ARHGEF26: variants seen among roughly 807,000 people sequenced by gnomAD.
The protein encoded by ARHGEF26 is Rho guanine nucleotide exchange factor (GEF) 26.
ARHGEF26 carries 59 observed loss-of-function variants against 89.4 expected under a neutral mutation model. The ratio of observed to expected loss-of-function variants is 0.66; its 90% CI spans 0.54 to 0.82. The LOEUF (loss-of-function observed/expected upper bound fraction) is 0.82, where lower values mean the gene tolerates loss of function less well. Ranked by LOEUF, ARHGEF26 falls within the 40% of genes least tolerant of loss-of-function variation. The probability of loss-of-function intolerance (pLI) is 0.00; values close to 1 mark genes in which losing one functional copy is unlikely to be tolerated. For synonymous variants in ARHGEF26, 500 were observed against 428.4 expected (o/e 1.17, Z -2.06); for missense variants, 1,234 against 1,085.6 (o/e 1.14, Z -1.92).
At chr3:154,127,498 G>A (rs1046588955) in intron 3 of ARHGEF26, among the ~76,000 whole-genome samples, 1 of 148,310 alleles carries the variant, frequency 6.7e-6, no homozygotes, top group African/African-American at 2.5e-5. Context: ...CCCACAAGAA[G>A]GTCTTCAGGG....
chr3:154,170,471 A>T (rs1040247112), intron 6 of ARHGEF26, among the ~76,000 whole-genome samples: 19 of 152,250 alleles, frequency 1.2e-4, no homozygotes, highest in Non-Finnish European at 2.5e-4. Flanking sequence ...CATCATAACA[A>T]TTGAGACATT....
chr3:154,213,336 A>G (rs1314407260), intron 9 of ARHGEF26, among the ~76,000 whole-genome samples: 1 of 152,004 alleles, frequency 6.6e-6, no homozygotes, highest in Admixed American at 6.6e-5. Context: ...AAGCTTTGGC[A>G]TAAATTGAAG....
intron 6 of ARHGEF26, among the ~76,000 whole-genome samples, chr3:154,169,390 T>C (rs3906747): frequency 0.18 from 26,905 of 152,076 alleles, 2,868 homozygotes; most frequent in East Asian, 0.38. Context: ...AAAATGTGTT[T>C]CCTGACACGC....
chr3:154,122,127 GTTA>G lies in ARHGEF26; in HGVS notation c.136_138del (p.Leu47del), dbSNP rs759243845. On this transcript the variant is annotated inframe_deletion, in exon 2 of 15. Transcript: ENST00000465093. ...CCCAGTCCTACCAGAGCCCCAACGG[GTTA>G]CTAATTACGGATTTCCCGGTGGAGG... 1 of 1,606,974 alleles carries G rather than the reference GTTA, an allele frequency of 6.2e-7. No individual in the cohort carries two copies. Among genetic ancestry groups the G allele is most frequent in the African/African-American group, 1.3e-5 (1 of 74,688 alleles).
At chr3:154,200,670 T>C (rs956516411) in intron 9 of ARHGEF26, among the ~76,000 whole-genome samples, 1 of 151,312 alleles carries the variant, frequency 6.6e-6, no homozygotes, top group East Asian at 1.9e-4. Flanking sequence ...TTAATAATTT[T>C]AATTTAATAA....
intron 7 of ARHGEF26, among the ~76,000 whole-genome samples, chr3:154,188,665 G>A (rs1320977450): frequency 6.6e-6 from 1 of 152,176 alleles, no homozygotes; most frequent in Non-Finnish European, 1.5e-5. Context: ...TATGACCACG[G>A]CATGGAGCTT....
intron 6 of ARHGEF26, among the ~76,000 whole-genome samples, chr3:154,180,429 T>C (rs1713108219): frequency 6.6e-6 from 1 of 151,532 alleles, no homozygotes; most frequent in Non-Finnish European, 1.5e-5. Context: ...CTCACAATGA[T>C]TACGCTAAGG....
Position 154,152,794 on chromosome 3 carries a change from C to G in ARHGEF26, c.1349C>G (p.Ser450Cys), listed in dbSNP as rs1720099407. 1 of 1,546,130 alleles carries G rather than the reference C, an allele frequency of 6.5e-7. No homozygotes were observed. Among genetic ancestry groups the G allele is most frequent in the Non-Finnish European group, 8.7e-7 (1 of 1,144,434 alleles). Residue 450 changes from serine to cysteine, a missense_variant, in exon 6 of 15, where the codon TCT (serine) becomes TGT (cysteine). Physicochemically the swap from Ser to Cys is moderately radical, Grantham distance 112. Coordinates refer to ENST00000465093, the MANE Select transcript of ARHGEF26 (RefSeq NM_015595.4). ...CAGGCTATCTTTGAAGTCATATCCTCTGAACATTCATATTTACTCAGCTTG... is the reference window on the plus strand; with the variant it reads ...CAGGCTATCTTTGAAGTCATATCCTGTGAACATTCATATTTACTCAGCTTG... ...RQEAIFEVIS[S>C]EHSYLLSLEI... is the part of the protein sequence containing the mutation.
At chr3:154,137,949 A>G (rs971845830) in intron 4 of ARHGEF26, among the ~76,000 whole-genome samples, 1 of 152,138 alleles carries the variant, frequency 6.6e-6, no homozygotes, top group Non-Finnish European at 1.5e-5. Context: ...ATTTGGCAAT[A>G]CTCTTCTGAA....
At chr3:154,127,289 C>T (rs1481086787) in intron 3 of ARHGEF26, among the ~76,000 whole-genome samples, 1 of 152,182 alleles carries the variant, frequency 6.6e-6, no homozygotes, top group East Asian at 1.9e-4. Context: ...TTTAATACAG[C>T]TTAAAACACA....
At chr3:154,144,918 T>C (rs568418492) in intron 4 of ARHGEF26, among the ~76,000 whole-genome samples, 2 of 152,252 alleles carry the variant, frequency 1.3e-5, no homozygotes, top group Non-Finnish European at 2.9e-5. Context: ...TTTTATGATA[T>C]GTGCTATTAT....
chr3:154,169,242 A>T (rs1294277419), intron 6 of ARHGEF26, among the ~76,000 whole-genome samples: 1 of 152,086 alleles, frequency 6.6e-6, no homozygotes, highest in Non-Finnish European at 1.5e-5. Context: ...TTTGTGAGTG[A>T]CAAGTATAGT....
chr3:154,183,533 T>C (rs1005211331), intron 6 of ARHGEF26, among the ~76,000 whole-genome samples: 1 of 152,218 alleles, frequency 6.6e-6, no homozygotes, highest in African/African-American at 2.4e-5. Flanking sequence ...TTCACCGGCA[T>C]TCTTGGTTCC....
chr3:154,244,014 G>A (rs879735124), intron 12 of ARHGEF26, among the ~76,000 whole-genome samples: 11 of 152,078 alleles, frequency 7.2e-5, no homozygotes, highest in Non-Finnish European at 1.3e-4. Flanking sequence ...GCATCAATAA[G>A]TATATATTGT....
At chr3:154,217,610 T>G (rs532353173) in intron 9 of ARHGEF26, among the ~76,000 whole-genome samples, 1 of 152,362 alleles carries the variant, frequency 6.6e-6, no homozygotes, top group Admixed American at 6.5e-5. Context: ...TCCCTTCAGC[T>G]GCTCTGATTT....
At chr3:154,188,030 A>G (rs1000649293) in intron 7 of ARHGEF26, among the ~76,000 whole-genome samples, 193 bp downstream of exon 7, 2 of 152,092 alleles carry the variant, frequency 1.3e-5, no homozygotes, top group African/African-American at 4.8e-5. Flanking sequence ...TGTGTAGAGA[A>G]TTTTCTCTCT....
At chr3:154,125,873 A>G (rs889124040) in intron 3 of ARHGEF26, among the ~76,000 whole-genome samples, 1 of 152,064 alleles carries the variant, frequency 6.6e-6, no homozygotes, top group African/African-American at 2.4e-5. Flanking sequence ...AGTGTGTCTA[A>G]ATGGTGAGAA....
intron 6 of ARHGEF26, among the ~76,000 whole-genome samples, chr3:154,156,666 C>A (rs889965368): frequency 6.6e-6 from 1 of 152,126 alleles, no homozygotes; most frequent in African/African-American, 2.4e-5. Context: ...TCAAAGTACT[C>A]AGAAGATTTA....
intron 13 of ARHGEF26, 52 bp from the exon 14 acceptor site, chr3:154,254,668 A>T (rs1238565627): frequency 2.9e-6 from 4 of 1,383,304 alleles, no homozygotes; most frequent in Non-Finnish European, 4.1e-6. Context: ...ATTGGATTGC[A>T]CATGTTTTTT....
Sources: allele counts gnomAD v4.1 joint callset (sites outside exome capture counted in the v4.1 genomes callset), GRCh38; gene constraint gnomAD v4.1.1; transcripts MANE v1.5; gene names NCBI Gene and HGNC (gene_info 2026-07-23, HGNC 2026-07-21).